Variants in ZNF431 observed in about 807,000 individuals in gnomAD.
ZNF431 encodes the protein zinc finger protein 431.
In ZNF431, 34 loss-of-function variants were observed where a neutral mutation model predicts 57.0. The ratio of observed to expected loss-of-function variants is 0.60; its 90% confidence interval spans 0.45 to 0.79. The LOEUF is 0.79. ZNF431 is among the 30% of genes least tolerant of loss of function. The probability of loss-of-function intolerance (pLI) is 0.00; values close to 1 mark genes in which losing one functional copy is unlikely to be tolerated. For synonymous variants in ZNF431, 207 were observed against 220.3 expected (o/e 0.94, Z 0.54); for missense variants, 607 against 667.1 (o/e 0.91, Z 0.99).
rs987139485 is a variant in ZNF431 at position 21,195,751 on chromosome 19, T to C, written c.*11717T>C. 1 of 152,224 alleles carries C rather than the reference T, an allele frequency of 6.6e-6. No homozygotes were observed. The highest frequency in any genetic ancestry group is 1.9e-4 in the East Asian group (1 of 5,198). The allele number at this position is 152,224 out of a possible 1,614,324, so 9.4% of individuals were successfully genotyped here. ...GCAGCTCATGGTATTATTGACCATA[T>C]GTTCTAGTGTCTTCTTGCAGATTTA... On this transcript the variant is annotated 3_prime_UTR_variant, in exon 5 of 5. Transcript: ENST00000311048.
chr19:21,154,979 A>G (rs1460869642), intron 2 of ZNF431, among the ~76,000 whole-genome samples: 2 of 151,810 alleles, frequency 1.3e-5, no homozygotes, highest in Middle Eastern at 3.2e-3. Context: ...TTGCCTGTTC[A>G]CTCTGATGGT....
chr19:21,181,162 A>G (rs1270920686), intron 4 of ZNF431, among the ~76,000 whole-genome samples: 2 of 152,008 alleles, frequency 1.3e-5, no homozygotes, highest in African/African-American at 4.8e-5. Flanking sequence ...ATTTTTGTGT[A>G]TGTGCATTTT....
chr19:21,182,721 G>C lies in ZNF431; in HGVS notation c.418G>C (p.Glu140Gln), dbSNP rs181764553. ...ILRRYGKCEH[E>Q]NLQLRKGSAS... ...GAGAAGATATGGCAAATGTGAACAT[G>C]AGAATTTACAGTTAAGAAAAGGCTC... is the stretch of plus-strand genomic sequence containing the variant. The change falls in exon 5 of 5, where the codon GAG becomes CAG. Residue 140 changes from glutamate to glutamine, a missense_variant. Coordinates refer to ENST00000311048, the MANE Select transcript of ZNF431 (RefSeq NM_133473.4). The C allele has an allele frequency of 1.4e-4, 232 of 1,613,866 alleles. No homozygotes were observed. Among genetic ancestry groups the C allele is most frequent in the Admixed American group, 3.5e-4 (21 of 60,000 alleles).
At chr19:21,172,979 A>T (rs1449945976) in intron 4 of ZNF431, among the ~76,000 whole-genome samples, 1 of 152,184 alleles carries the variant, frequency 6.6e-6, no homozygotes, top group Non-Finnish European at 1.5e-5. Flanking sequence ...GAGTGTGACT[A>T]CTTAAGCTAT....
intron 2 of ZNF431, among the ~76,000 whole-genome samples, chr19:21,148,138 G>A (rs192758551): frequency 1.3e-5 from 2 of 151,900 alleles, no homozygotes; most frequent in Non-Finnish European, 2.9e-5. Flanking sequence ...TGGATTACAG[G>A]TGCACACCAC....
intron 2 of ZNF431, among the ~76,000 whole-genome samples, chr19:21,155,355 G>T (rs537686783): frequency 4.6e-5 from 7 of 152,192 alleles, no homozygotes; most frequent in African/African-American, 1.7e-4. Flanking sequence ...ATTTCTGAGG[G>T]CTCTGTTCTG....
rs915154789 is a variant in ZNF431 at position 21,177,659 on chromosome 19, A to G, written c.320-4964A>G. Among the ~76,000 whole-genome samples the G allele has an allele frequency of 2.0e-5, 3 of 152,084 alleles. No individual in the cohort carries two copies. In the East Asian group the frequency reaches 5.8e-4, roughly 29 times the overall value. On this transcript the variant is annotated intron_variant, in intron 4 of 4. Coordinates refer to ENST00000311048, the MANE Select transcript of ZNF431 (RefSeq NM_133473.4). The stretch of plus-strand genomic sequence containing the variant: ...AAAAATTAGCCTGGCATGGTGGCAC[A>G]TTCCTGTAATCCTAGCTACTTGGGA...
intron 1 of ZNF431, among the ~76,000 whole-genome samples, chr19:21,142,458 C>T (rs551434403): frequency 5.3e-5 from 8 of 152,348 alleles, no homozygotes; most frequent in Admixed American, 5.2e-4. Flanking sequence ...AGCACCGCGT[C>T]TTTCCCAGAT....
chr19:21,143,895 C>A (rs527766687), intron 2 of ZNF431, among the ~76,000 whole-genome samples: 87 of 151,610 alleles, frequency 5.7e-4, no homozygotes, highest in African/African-American at 2.0e-3. Flanking sequence ...AAAACAAAAA[C>A]AAAAAAACCT....
intron 4 of ZNF431, chr19:21,175,555 A>G (rs1971025627): frequency 5.1e-6 from 3 of 592,088 alleles, no homozygotes; most frequent in South Asian, 4.2e-5. Flanking sequence ...CCCTGCATGC[A>G]TTAGCTATTT....
intron 4 of ZNF431, among the ~76,000 whole-genome samples, chr19:21,178,079 C>T (rs191786922): frequency 6.6e-6 from 1 of 152,206 alleles, no homozygotes; most frequent in East Asian, 1.9e-4. Flanking sequence ...CTCTTTGTAG[C>T]AATTGTGAAT....
At chr19:21,164,485 A>G (rs577864662) in intron 2 of ZNF431, among the ~76,000 whole-genome samples, 1 of 152,258 alleles carries the variant, frequency 6.6e-6, no homozygotes, top group South Asian at 2.1e-4. Context: ...AGAGAAATGC[A>G]TGGACTTTTT....
At chr19:21,163,380 C>CCCG (rs1377646119) in intron 2 of ZNF431, among the ~76,000 whole-genome samples, 2 of 152,196 alleles carry the variant, frequency 1.3e-5, no homozygotes, top group Non-Finnish European at 2.9e-5. Flanking sequence ...CTGTGCTGTG[C>CCCG]CCGCTTTCTC....
chr19:21,172,889 C>G lies in ZNF431; in HGVS notation c.319+5223C>G, dbSNP rs149290031. On this transcript the variant is annotated intron_variant, in intron 4 of 4. Coordinates refer to ENST00000311048, the MANE Select transcript of ZNF431 (RefSeq NM_133473.4). ...TTTCACATGTTGTGAAACTAAAACC[C>G]AATATCCATTTAAGTGACAAGATGC... 5.8e-3 allele frequency among the ~76,000 whole-genome samples: 881 copies of G among 152,254 alleles called. 2 individuals carry two copies. Among genetic ancestry groups the G allele is most frequent in the Non-Finnish European group, 0.01 (705 of 68,010 alleles).
In ZNF431 at chr19:21,191,465, A is replaced by C. The variant is rs893719742; in HGVS notation, c.*7431A>C. On this transcript the variant is annotated 3_prime_UTR_variant, in exon 5 of 5. Transcript: ENST00000311048. ...AAACTCTGTCTCAAAAAAAAAAAAA[A>C]ATTTGCTGCCCAGAACAATGTTATA... 6.6e-6 allele frequency: 1 copy of C among 151,978 alleles called. No individual in the cohort carries two copies. The allele number at this position is 151,978 out of a possible 1,614,324, so 9.4% of individuals were successfully genotyped here.
chr19:21,182,681 T>G lies in ZNF431; in HGVS notation c.378T>G (p.Phe126Leu). 6.2e-7 allele frequency: 1 copy of G among 1,613,070 alleles called. No individual in the cohort carries two copies. Among genetic ancestry groups the G allele is most frequent in the South Asian group, 1.1e-5 (1 of 90,784 alleles). Reference sequence around the variant, plus strand: ...CAGAGCAAGACATAAAAGATTCTTTTCAACAAGTAATACTGAGAAGATATG... The same window carrying G: ...CAGAGCAAGACATAAAAGATTCTTTGCAACAAGTAATACTGAGAAGATATG... ...LWPEQDIKDSFQQVILRRYGK... is the reference protein window; with the variant it reads ...LWPEQDIKDSLQQVILRRYGK... Residue 126 changes from phenylalanine to leucine, a missense_variant, in exon 5 of 5, where the codon TTT becomes TTG. Coordinates refer to ENST00000311048, the MANE Select transcript of ZNF431 (RefSeq NM_133473.4).
chr19:21,162,878 C>A, intron 2 of ZNF431: 2 of 402,590 alleles, frequency 5.0e-6, no homozygotes, highest in Non-Finnish European at 6.7e-6. Flanking sequence ...CCAGTAGTTG[C>A]TCCACAAGTA....
At chr19:21,176,606 TG>T (rs1971058844) in intron 4 of ZNF431, among the ~76,000 whole-genome samples, 1 of 152,180 alleles carries the variant, frequency 6.6e-6, no homozygotes, top group Non-Finnish European at 1.5e-5. Context: ...TTGTAGACTC[TG>T]GATATTAACC....
intron 2 of ZNF431, chr19:21,149,505 A>C (rs1425005682): frequency 1.2e-5 from 2 of 164,212 alleles, no homozygotes; most frequent in Non-Finnish European, 2.7e-5. Flanking sequence ...GTTCTTTCAT[A>C]TCACACACAC....
Sources: gnomAD v4.1 joint callset for allele counts (sites outside exome capture counted in the v4.1 genomes callset) on GRCh38, gnomAD v4.1.1 for gene constraint, MANE v1.5 for transcripts, NCBI Gene and HGNC (gene_info 2026-07-23, HGNC 2026-07-21) for gene names.